ACTR3C: variants seen among roughly 807,000 people sequenced by gnomAD.
ACTR3C encodes actin related protein 3C, also known as actin-related protein 3C.
ACTR3C carries 18 observed loss-of-function variants against 26.3 expected under a neutral mutation model. The ratio of observed to expected loss-of-function variants is 0.68; its 90% confidence interval spans 0.47 to 1.01. The LOEUF is 1.01. ACTR3C is among the 50% of genes least tolerant of loss of function. The pLI is 0.00. For synonymous variants in ACTR3C, 55 were observed against 94.5 expected, an observed-to-expected ratio of 0.58 and a Z score of 2.42; for missense variants, 184 against 250.7, an observed-to-expected ratio of 0.73 and a Z score of 1.80.
the ACTR3C span, among the ~76,000 whole-genome samples, chr7:150,210,908 C>T: frequency 0.13 from 17,559 of 132,104 alleles, 2,161 homozygotes; most frequent in African/African-American, 0.28. Context: ...AATGTACTTA[C>T]TAAACATGGT....
At chr7:150,193,051 G>A in the ACTR3C span, among the ~76,000 whole-genome samples, 5 of 152,120 alleles carry the variant, frequency 3.3e-5, no homozygotes, top group Non-Finnish European at 7.3e-5. Context: ...AAAAGCCTTC[G>A]GACTTGTAGC....
At chr7:149,892,475 A>G in the ACTR3C span, 1 of 1,364,900 alleles carries the variant, frequency 7.3e-7, no homozygotes, top group Non-Finnish European at 9.8e-7. Flanking sequence ...ATAATATCCT[A>G]ATATACACAC....
At chr7:150,036,613 C>G in the ACTR3C span, among the ~76,000 whole-genome samples, 1 of 143,848 alleles carries the variant, frequency 7.0e-6, no homozygotes, top group Admixed American at 6.8e-5. Context: ...TTGGGATCCA[C>G]AGTCTACGAA....
At chr7:150,184,904 C>G in the ACTR3C span, among the ~76,000 whole-genome samples, 12 of 149,104 alleles carry the variant, frequency 8.0e-5, no homozygotes, top group Non-Finnish European at 1.2e-4. Context: ...CGGTTCGCTT[C>G]CTTCATGGGA....
chr7:150,143,079 G>T, the ACTR3C span, among the ~76,000 whole-genome samples: 1 of 151,698 alleles, frequency 6.6e-6, no homozygotes, highest in Non-Finnish European at 1.5e-5. Context: ...TGATCCACCC[G>T]CCTAGGCCTC....
the ACTR3C span, chr7:149,890,600 T>C: frequency 6.6e-6 from 1 of 152,228 alleles, no homozygotes; most frequent in African/African-American, 2.4e-5. Flanking sequence ...CTCCTTCTAT[T>C]GTCCTTGCTT....
the ACTR3C span, among the ~76,000 whole-genome samples, chr7:150,096,813 C>A: frequency 6.6e-6 from 1 of 151,836 alleles, no homozygotes; most frequent in Non-Finnish European, 1.5e-5. Flanking sequence ...GGGGGAAGTT[C>A]CAGGGCCTGT....
At chr7:150,276,768 C>A (rs1297116661) in intron 6 of ACTR3C, among the ~76,000 whole-genome samples, 4 of 152,206 alleles carry the variant, frequency 2.6e-5, no homozygotes, top group Non-Finnish European at 5.9e-5. Context: ...GTGTGGTGAA[C>A]CCAAGGGCTA....
chr7:149,963,582 G>A, the ACTR3C span, among the ~76,000 whole-genome samples: 1 of 152,234 alleles, frequency 6.6e-6, no homozygotes, highest in Non-Finnish European at 1.5e-5. Flanking sequence ...ACAAAGAACA[G>A]AGCCCTTCAG....
intron 5 of ACTR3C, 123 bp downstream of exon 5, chr7:150,286,244 C>A (rs1317513675): frequency 7.7e-6 from 10 of 1,294,292 alleles, no homozygotes; most frequent in Non-Finnish European, 1.1e-5. Flanking sequence ...ATGGGGGATG[C>A]AGAGAGACCG....
At chr7:150,042,541 G>C in the ACTR3C span, among the ~76,000 whole-genome samples, 253 of 148,972 alleles carry the variant, frequency 1.7e-3, 3 homozygotes, top group South Asian at 5.1e-3. Context: ...AAGAGCCAGG[G>C]GGGGAAGAGG....
the ACTR3C span, among the ~76,000 whole-genome samples, chr7:150,034,874 G>GC: frequency 6.7e-6 from 1 of 148,212 alleles, no homozygotes; most frequent in East Asian, 2.0e-4. Flanking sequence ...ACAGGGGCTG[G>GC]CTCTCAGTCC....
the ACTR3C span, among the ~76,000 whole-genome samples, chr7:150,029,236 C>A: frequency 6.6e-6 from 1 of 151,252 alleles, no homozygotes; most frequent in Non-Finnish European, 1.5e-5. Context: ...ACTAAGCCAT[C>A]GCCAAATTCT....
chr7:150,161,200 ATT>A, the ACTR3C span, among the ~76,000 whole-genome samples: 30 of 85,066 alleles, frequency 3.5e-4, 2 homozygotes, highest in Non-Finnish European at 5.4e-4. Flanking sequence ...GGAGGAAAGT[ATT>A]TATATATATA....
the ACTR3C span, among the ~76,000 whole-genome samples, chr7:150,046,518 G>C: frequency 6.6e-6 from 1 of 150,890 alleles, no homozygotes; most frequent in African/African-American, 2.5e-5. Context: ...TGGGACCCCT[G>C]CGGTTCCCAG....
the ACTR3C span, among the ~76,000 whole-genome samples, chr7:149,986,231 CCCA>C: frequency 6.6e-6 from 1 of 152,068 alleles, no homozygotes; most frequent in Non-Finnish European, 1.5e-5. Flanking sequence ...CTGTGGAAAA[CCCA>C]CTCAACATTG....
At chr7:150,070,787 C>CT in the ACTR3C span, among the ~76,000 whole-genome samples, 1 of 148,396 alleles carries the variant, frequency 6.7e-6, no homozygotes, top group African/African-American at 2.5e-5. Flanking sequence ...CAATTTTTTT[C>CT]TTTTTTCTTT....
At chr7:150,299,464 CAA>C (rs759969034) in intron 1 of ACTR3C, among the ~76,000 whole-genome samples, 948 of 13,926 alleles carry the variant, frequency 0.068, no homozygotes, top group African/African-American at 0.14. Context: ...GACCCCCTCT[CAA>C]AAAAAAAAAA....
the ACTR3C span, among the ~76,000 whole-genome samples, chr7:150,086,436 C>A: frequency 5.3e-5 from 8 of 152,142 alleles, no homozygotes; most frequent in Admixed American, 2.6e-4. Context: ...CCTCTAATAA[C>A]TTTTGGGCTC....
Sources: allele counts gnomAD v4.1 joint callset (sites outside exome capture counted in the v4.1 genomes callset), GRCh38; gene constraint gnomAD v4.1.1; transcripts MANE v1.5; gene names NCBI Gene and HGNC (gene_info 2026-07-23, HGNC 2026-07-21).